CACNG2: variants seen among roughly 807,000 people sequenced by gnomAD.
The protein encoded by CACNG2 is voltage-dependent calcium channel gamma-2 subunit.
In CACNG2, 3 loss-of-function variants were observed where a neutral mutation model predicts 25.9. That is an observed-to-expected ratio of 0.12 (90% confidence interval 0.05 to 0.30). The LOEUF is 0.30. Ranked by LOEUF, CACNG2 falls within the 10% of genes least tolerant of loss-of-function variation. The probability of loss-of-function intolerance (pLI) is 1.00; values close to 1 mark genes in which losing one functional copy is unlikely to be tolerated. For synonymous variants in CACNG2, 167 were observed against 173.3 expected (o/e 0.96, Z 0.29); for missense variants, 341 against 432.5 (o/e 0.79, Z 1.88).
intron 1 of CACNG2, among the ~76,000 whole-genome samples, chr22:36,628,494 C>T (rs1382669654): frequency 6.6e-6 from 1 of 152,166 alleles, no homozygotes; most frequent in East Asian, 1.9e-4. Context: ...CCCAGAAGTC[C>T]CCTCTTATTT....
intron 2 of CACNG2, among the ~76,000 whole-genome samples, chr22:36,572,903 G>T (rs1056157050): frequency 2.6e-5 from 4 of 152,174 alleles, no homozygotes; most frequent in African/African-American, 9.7e-5. Flanking sequence ...CCACCGCTGT[G>T]CTAGACCTGG....
chr22:36,648,265 G>A (rs992625994), intron 1 of CACNG2, among the ~76,000 whole-genome samples: 3 of 152,230 alleles, frequency 2.0e-5, no homozygotes, highest in Non-Finnish European at 2.9e-5. Context: ...CAAGAAGCCC[G>A]TAATGAAATG....
chr22:36,602,828 T>A (rs1842078281), intron 1 of CACNG2, among the ~76,000 whole-genome samples: 1 of 152,254 alleles, frequency 6.6e-6, no homozygotes, highest in Non-Finnish European at 1.5e-5. Flanking sequence ...ATGTTCTGAC[T>A]GTTCCACCAG....
intron 1 of CACNG2, among the ~76,000 whole-genome samples, chr22:36,621,230 G>C (rs1392548267): frequency 6.6e-6 from 1 of 152,132 alleles, no homozygotes; most frequent in Non-Finnish European, 1.5e-5. Flanking sequence ...AAGATTGGCC[G>C]GGTGCGGGGG....
chr22:36,590,524 G>T (rs1468132114), intron 1 of CACNG2, among the ~76,000 whole-genome samples: 1 of 151,944 alleles, frequency 6.6e-6, no homozygotes, highest in African/African-American at 2.4e-5. Context: ...ATCCATCAGG[G>T]CGTCCTGTCT....
intron 1 of CACNG2, among the ~76,000 whole-genome samples, chr22:36,618,682 AGGCTGAGGCGAGC>A (rs1936061622): frequency 6.6e-6 from 1 of 152,226 alleles, no homozygotes; most frequent in African/African-American, 2.4e-5. Flanking sequence ...GCACTTTGGG[AGGCTGAGGCGAGC>A]GGATCATGAG....
At chr22:36,636,116 A>T (rs9622436) in intron 1 of CACNG2, among the ~76,000 whole-genome samples, 1 of 151,984 alleles carries the variant, frequency 6.6e-6, no homozygotes, top group Non-Finnish European at 1.5e-5. Flanking sequence ...GACTTCCCAC[A>T]GCTTTTAGAA....
At chr22:36,587,591 T>C (rs1442444340) in intron 1 of CACNG2, 43 bp from the exon 2 acceptor site, 1 of 1,457,018 alleles carries the variant, frequency 6.9e-7, no homozygotes, top group Non-Finnish European at 9.6e-7. Context: ...CATCATAGTT[T>C]TGGGGGCGCT....
intron 1 of CACNG2, among the ~76,000 whole-genome samples, chr22:36,595,367 C>T (rs1935663977): frequency 6.6e-6 from 1 of 152,178 alleles, no homozygotes; most frequent in South Asian, 2.1e-4. Context: ...GTCTTCCCAG[C>T]TCTCGTTAGC....
intron 1 of CACNG2, among the ~76,000 whole-genome samples, chr22:36,662,919 T>C (rs967682799): frequency 6.6e-6 from 1 of 152,148 alleles, no homozygotes; most frequent in Non-Finnish European, 1.5e-5. Flanking sequence ...TCATCTCTTT[T>C]ACTGGACCTT....
intron 1 of CACNG2, among the ~76,000 whole-genome samples, chr22:36,623,794 C>T (rs1160397998): frequency 6.6e-6 from 1 of 152,052 alleles, no homozygotes; most frequent in Non-Finnish European, 1.5e-5. Flanking sequence ...ATTTGTGGGC[C>T]AGTGTGCAAA....
At chr22:36,652,647 C>T (rs1936637233) in intron 1 of CACNG2, among the ~76,000 whole-genome samples, 1 of 152,076 alleles carries the variant, frequency 6.6e-6, no homozygotes. Context: ...TGCTGTTTTG[C>T]TGGATGACTC....
At chr22:36,574,782 C>CAACAA (rs869216856) in intron 2 of CACNG2, among the ~76,000 whole-genome samples, 1 of 62,478 alleles carries the variant, frequency 1.6e-5, no homozygotes, top group African/African-American at 9.1e-5. Context: ...AACTCTGTCT[C>CAACAA]AACAAAACAA....
At chr22:36,636,612 C>T (rs1936361578) in intron 1 of CACNG2, among the ~76,000 whole-genome samples, 1 of 152,200 alleles carries the variant, frequency 6.6e-6, no homozygotes, top group Non-Finnish European at 1.5e-5. Flanking sequence ...GCCATGCATG[C>T]CAAAAATGTT....
intron 1 of CACNG2, among the ~76,000 whole-genome samples, chr22:36,624,108 G>A (rs1936148265): frequency 6.6e-6 from 1 of 152,200 alleles, no homozygotes; most frequent in Non-Finnish European, 1.5e-5. Context: ...TTGCCTTTGA[G>A]CTTCAGATAT....
chr22:36,569,680 T>C (rs1935191467), intron 2 of CACNG2, among the ~76,000 whole-genome samples: 1 of 152,118 alleles, frequency 6.6e-6, no homozygotes, highest in Non-Finnish European at 1.5e-5. Flanking sequence ...GCTGGGATTA[T>C]AGGCGCCCGC....
chr22:36,645,874 C>T (rs1278273997), intron 1 of CACNG2, among the ~76,000 whole-genome samples: 3 of 152,264 alleles, frequency 2.0e-5, no homozygotes, highest in South Asian at 2.1e-4. Context: ...TGTATCCAAA[C>T]TTTAAAAGTC....
intron 1 of CACNG2, among the ~76,000 whole-genome samples, chr22:36,686,318 G>C (rs541974538): frequency 6.4e-4 from 97 of 152,316 alleles, no homozygotes; most frequent in Admixed American, 3.3e-3. Context: ...CCCTGTCACA[G>C]AGCAAGTCCA....
chr22:36,629,771 C>G (rs888055334), intron 1 of CACNG2, among the ~76,000 whole-genome samples: 1 of 152,102 alleles, frequency 6.6e-6, no homozygotes, highest in Non-Finnish European at 1.5e-5. Flanking sequence ...TTCCCAAGGA[C>G]GCAGTGAAGA....
Sources: gnomAD v4.1 joint callset for allele counts (sites outside exome capture counted in the v4.1 genomes callset) on GRCh38, gnomAD v4.1.1 for gene constraint, MANE v1.5 for transcripts, NCBI Gene and HGNC (gene_info 2026-07-23, HGNC 2026-07-21) for gene names.